The following SEC23A variants were observed in gnomAD, a reference collection of about 807,000 sequenced individuals.
The protein encoded by SEC23A is protein transport protein Sec23A.
Under a neutral mutation model 103.7 loss-of-function variants are expected in SEC23A, and 56 were observed. The ratio of observed to expected loss-of-function variants is 0.54; its 90% CI spans 0.44 to 0.67. SEC23A has a LOEUF of 0.67. SEC23A is among the 30% of genes least tolerant of loss of function. The pLI, the probability that SEC23A is intolerant of heterozygous loss-of-function variation, is 0.00. For missense variants in SEC23A, 784 were observed against 936.4 expected (o/e 0.84, Z 2.12); for synonymous variants, 281 against 293.0 (o/e 0.96, Z 0.42).
At chr14:39,098,012 TG>T (rs1017500958) in intron 1 of SEC23A, among the ~76,000 whole-genome samples, 1 of 150,722 alleles carries the variant, frequency 6.6e-6, no homozygotes, top group Non-Finnish European at 1.5e-5. Context: ...TCGCTTGAAC[TG>T]GGGGGGCAGA....
At chr14:39,062,477 T>G (rs1460514768) in intron 12 of SEC23A, among the ~76,000 whole-genome samples, 1 of 152,102 alleles carries the variant, frequency 6.6e-6, no homozygotes, top group Admixed American at 6.5e-5. Context: ...CCTCCTCCCC[T>G]AGGTATAGAA....
At chr14:39,093,452 A>G (rs1256342389) in intron 2 of SEC23A, among the ~76,000 whole-genome samples, 7 of 152,230 alleles carry the variant, frequency 4.6e-5, no homozygotes, top group Non-Finnish European at 1.0e-4. Flanking sequence ...AATGGTGAAT[A>G]TAACTTTTAA....
At chr14:39,081,206 T>TAA (rs780983657) in intron 7 of SEC23A, among the ~76,000 whole-genome samples, 3 of 127,712 alleles carry the variant, frequency 2.3e-5, no homozygotes, top group South Asian at 2.4e-4. Flanking sequence ...AGGCTCTGTT[T>TAA]AAAAAAAAAA....
chr14:39,060,720 G>C (rs1471099258), intron 13 of SEC23A, among the ~76,000 whole-genome samples: 1 of 152,166 alleles, frequency 6.6e-6, no homozygotes, highest in African/African-American at 2.4e-5. Context: ...TTAATAAAAA[G>C]AAAGGTACTA....
At chr14:39,089,109 G>C (rs1887567864) in intron 5 of SEC23A, among the ~76,000 whole-genome samples, 2 of 143,536 alleles carry the variant, frequency 1.4e-5, no homozygotes, top group Non-Finnish European at 3.0e-5. Flanking sequence ...AGGAGGCGGA[G>C]ATTGCAAGAT....
In SEC23A at chr14:39,083,373, T is replaced by A. The variant is rs1887298661; in HGVS notation, c.828+2389A>T. Among the ~76,000 whole-genome samples the A allele has an allele frequency of 3.9e-5, 6 of 152,088 alleles. 1 individual carries two copies. The South Asian group carries it at 1.0e-3, about 26-fold the overall frequency. On this transcript the variant is annotated intron_variant, in intron 7 of 19. Coordinates refer to ENST00000307712, the MANE Select transcript of SEC23A (RefSeq NM_006364.4). ...CACCTACCTGTCTCTCACCTATCTG[T>A]GACCTGGAAGCCCCTCCCTACTTGA...
At chr14:39,085,990 A>G in intron 6 of SEC23A, 84 bp from the exon 7 acceptor site, 1 of 1,189,948 alleles carries the variant, frequency 8.4e-7, no homozygotes, top group Non-Finnish European at 1.2e-6. Flanking sequence ...TCCTAAAAAT[A>G]GAAAACAACA....
chr14:39,091,798 G>T (rs1040718177), intron 4 of SEC23A, 85 bp from the exon 5 acceptor site: 1 of 875,668 alleles, frequency 1.1e-6, no homozygotes, highest in Non-Finnish European at 1.9e-6. Flanking sequence ...ATTAAATAAC[G>T]AATACAAAAG....
At chr14:39,083,440 T>C (rs1887301556) in intron 7 of SEC23A, among the ~76,000 whole-genome samples, 1 of 152,052 alleles carries the variant, frequency 6.6e-6, no homozygotes, top group Non-Finnish European at 1.5e-5. Flanking sequence ...ACATCTTACA[T>C]ATGTTGATTG....
chr14:39,056,128 G>A (rs887841292), intron 13 of SEC23A, among the ~76,000 whole-genome samples: 7 of 152,182 alleles, frequency 4.6e-5, no homozygotes, highest in African/African-American at 1.4e-4. Flanking sequence ...GTGCCACTAC[G>A]CTTCATGCCA....
chr14:39,063,599 T>C (rs551969973), intron 11 of SEC23A, among the ~76,000 whole-genome samples, 186 bp from the exon 12 acceptor site: 52 of 152,100 alleles, frequency 3.4e-4, no homozygotes, highest in Admixed American at 1.6e-3. Flanking sequence ...TTTTACATAA[T>C]AAAAAATAAA....
intron 9 of SEC23A, 114 bp downstream of exon 9, chr14:39,074,301 G>T (rs1886936473): frequency 2.7e-6 from 2 of 751,726 alleles, no homozygotes; most frequent in Non-Finnish European, 4.8e-6. Context: ...CAGATGTGTT[G>T]CCTTGAAGTA....
At chr14:39,076,296 C>T (rs951574558) in intron 7 of SEC23A, among the ~76,000 whole-genome samples, 5 of 152,070 alleles carry the variant, frequency 3.3e-5, no homozygotes, top group African/African-American at 1.2e-4. Flanking sequence ...TAGCACATTC[C>T]TAATTCTAAA....
At chr14:39,057,781 G>T (rs777024584) in intron 13 of SEC23A, among the ~76,000 whole-genome samples, 3 of 152,184 alleles carry the variant, frequency 2.0e-5, no homozygotes, top group Non-Finnish European at 4.4e-5. Context: ...TGTTAAAGCA[G>T]AAATATAGAA....
intron 19 of SEC23A, among the ~76,000 whole-genome samples, chr14:39,037,763 G>A (rs1885506260): frequency 6.6e-6 from 1 of 152,034 alleles, no homozygotes; most frequent in African/African-American, 2.4e-5. Flanking sequence ...TTTAATCCAG[G>A]ATTCAATCAG....
At chr14:39,098,640 GGT>G (rs1887975541) in intron 1 of SEC23A, among the ~76,000 whole-genome samples, 1 of 151,898 alleles carries the variant, frequency 6.6e-6, no homozygotes, top group Non-Finnish European at 1.5e-5. Context: ...CTGAGCTGGT[GGT>G]GAGTGCCTGT....
intron 1 of SEC23A, among the ~76,000 whole-genome samples, chr14:39,100,667 C>T (rs1888057036): frequency 6.6e-6 from 1 of 152,014 alleles, no homozygotes; most frequent in Non-Finnish European, 1.5e-5. Context: ...CCCACCTCAG[C>T]CTCCCAAAGT....
intron 19 of SEC23A, among the ~76,000 whole-genome samples, chr14:39,034,105 G>C: frequency 6.6e-6 from 1 of 152,118 alleles, no homozygotes; most frequent in East Asian, 1.9e-4. Context: ...CCTGAATAAA[G>C]GGAAATCAAT....
Position 39,091,433 on chromosome 14 carries a change from G to C in SEC23A, c.603+44C>G, listed in dbSNP as rs1315474559. 6 of 1,375,058 alleles carry C rather than the reference G, an allele frequency of 4.4e-6. No individual in the cohort carries two copies. The East Asian group carries it at 1.4e-4, about 31-fold the overall frequency. The allele number at this position is 1,375,058 out of a possible 1,614,324, so 85.2% of individuals were successfully genotyped here. On this transcript the variant is annotated intron_variant, in intron 5 of 19. Coordinates refer to ENST00000307712, the MANE Select transcript of SEC23A (RefSeq NM_006364.4). ...CAGAAGGCATTTATAAACATATATA[G>C]AGTAATTTTCAGATAGGTAAAAACT...
Sources: gnomAD v4.1 joint callset for allele counts (sites outside exome capture counted in the v4.1 genomes callset) on GRCh38, gnomAD v4.1.1 for gene constraint, MANE v1.5 for transcripts, NCBI Gene and HGNC (gene_info 2026-07-23, HGNC 2026-07-21) for gene names.